Variants in TM7SF3 observed in about 807,000 individuals in gnomAD.
The protein encoded by TM7SF3 is seven span transmembrane protein.
In TM7SF3, 60 loss-of-function variants were observed where a neutral mutation model predicts 65.5. That is an observed-to-expected ratio of 0.92 (90% CI 0.74 to 1.14). The LOEUF (loss-of-function observed/expected upper bound fraction) is 1.14, where lower values mean the gene tolerates loss of function less well. Ranked by LOEUF, TM7SF3 falls within the 50% of genes most tolerant of loss-of-function variation. TM7SF3 has a pLI of 0.00. For synonymous variants in TM7SF3, 264 were observed against 259.6 expected (o/e 1.02, Z -0.16); for missense variants, 623 against 684.8 (o/e 0.91, Z 1.01).
intron 11 of TM7SF3, 146 bp downstream of exon 11, chr12:26,975,350 G>A (rs1427337389): frequency 4.6e-6 from 3 of 652,520 alleles, no homozygotes; most frequent in African/African-American, 3.7e-5. Flanking sequence ...TCATAACAGA[G>A]GGTTCTCACA....
chr12:26,989,460 C>T (rs1330501495), intron 6 of TM7SF3, among the ~76,000 whole-genome samples: 1 of 151,890 alleles, frequency 6.6e-6, no homozygotes, highest in Non-Finnish European at 1.5e-5. Context: ...AAGAGTTATA[C>T]ACAGGTTTTC....
intron 1 of TM7SF3, among the ~76,000 whole-genome samples, chr12:27,006,946 C>T (rs1339486258): frequency 6.6e-6 from 1 of 152,066 alleles, no homozygotes; most frequent in Non-Finnish European, 1.5e-5. Flanking sequence ...AAGACTATTC[C>T]AGAAAGCGTA....
chr12:26,973,921 C>A lies in TM7SF3; in HGVS notation c.*44G>T. The stretch of plus-strand genomic sequence containing the variant: ...CCAGAGACTGTTGAACCACTCCAGG[C>A]ATGAACTCCAAAGCTGAGGCACACT... On this transcript the variant is annotated 3_prime_UTR_variant, in exon 12 of 12. Coordinates refer to ENST00000343028, the MANE Select transcript of TM7SF3 (RefSeq NM_016551.3). 2 of 1,598,982 alleles carry A rather than the reference C, an allele frequency of 1.3e-6. No homozygotes were observed. Among genetic ancestry groups the A allele is most frequent in the South Asian group, 1.1e-5 (1 of 88,824 alleles).
At chr12:26,980,852 T>G (rs527343638) in intron 7 of TM7SF3, among the ~76,000 whole-genome samples, 3 of 152,206 alleles carry the variant, frequency 2.0e-5, no homozygotes, top group Admixed American at 1.3e-4. Flanking sequence ...ATTAAACAGA[T>G]ACAATATTAA....
intron 6 of TM7SF3, among the ~76,000 whole-genome samples, chr12:26,985,543 T>C (rs1940010264): frequency 6.9e-6 from 1 of 145,182 alleles, no homozygotes; most frequent in African/African-American, 2.6e-5. Flanking sequence ...GTGAATTACT[T>C]GAACCTGAGA....
At chr12:26,992,715 A>G (rs1490511603) in intron 5 of TM7SF3, among the ~76,000 whole-genome samples, 1 of 152,226 alleles carries the variant, frequency 6.6e-6, no homozygotes, top group Non-Finnish European at 1.5e-5. Context: ...TCAGCGTTGC[A>G]AGAGTATCAT....
chr12:26,984,823 C>T (rs1939972907), intron 6 of TM7SF3, among the ~76,000 whole-genome samples: 1 of 152,108 alleles, frequency 6.6e-6, no homozygotes, highest in Non-Finnish European at 1.5e-5. Flanking sequence ...GGCATTCACT[C>T]TGGGGGAATG....
intron 5 of TM7SF3, among the ~76,000 whole-genome samples, chr12:26,993,343 T>C (rs1315552209): frequency 6.6e-6 from 1 of 152,228 alleles, no homozygotes; most frequent in Admixed American, 6.5e-5. Context: ...CTGTAGAAGA[T>C]GTGAAGTCAG....
intron 1 of TM7SF3, among the ~76,000 whole-genome samples, chr12:27,013,725 G>A (rs947545088): frequency 1.1e-4 from 16 of 152,146 alleles, no homozygotes; most frequent in Admixed American, 3.3e-4. Context: ...AAGTCTTGCT[G>A]TCCAGAAGCT....
At chr12:26,981,605 T>C (rs1939819466) in intron 7 of TM7SF3, among the ~76,000 whole-genome samples, 1 of 152,176 alleles carries the variant, frequency 6.6e-6, no homozygotes, top group South Asian at 2.1e-4. Context: ...TGAGATATTA[T>C]ATATTCTTTA....
In TM7SF3 at chr12:26,999,613, C is replaced by T; in HGVS notation, c.310G>A (p.Glu104Lys). 2 of 1,614,122 alleles carry T rather than the reference C, an allele frequency of 1.2e-6. No individual in the cohort carries two copies. The highest frequency in any genetic ancestry group is 1.7e-6 in the Non-Finnish European group (2 of 1,179,994). Reference sequence around the variant, plus strand: ...AAGTACCAAGTGCATGTACTCTGCTCTGGTCTAAGGATGAAAACCAGTCCA... The same window carrying T: ...AAGTACCAAGTGCATGTACTCTGCTTTGGTCTAAGGATGAAAACCAGTCCA... Reference protein sequence around the residue: ...ASGLVFILRPEQSTCTWYLGT... With the variant: ...ASGLVFILRPKQSTCTWYLGT... The change falls in exon 3 of 12, where the codon GAG (glutamate) becomes AAG (lysine). Residue 104 changes from glutamate (E) to lysine (K), a missense_variant. By Grantham distance (56) the Glu-to-Lys change is moderately conservative. Coordinates refer to ENST00000343028, the MANE Select transcript of TM7SF3 (RefSeq NM_016551.3).
At chr12:26,996,039 T>C (rs913557980) in intron 4 of TM7SF3, among the ~76,000 whole-genome samples, 1 of 151,728 alleles carries the variant, frequency 6.6e-6, no homozygotes, top group African/African-American at 2.4e-5. Context: ...AAAAGCTGGG[T>C]GCAGTGGCTT....
intron 6 of TM7SF3, among the ~76,000 whole-genome samples, chr12:26,983,335 C>G (rs1189421854): frequency 1.3e-5 from 2 of 152,070 alleles, no homozygotes; most frequent in African/African-American, 4.8e-5. Context: ...CAACCTGATT[C>G]AAACAAACTG....
chr12:26,981,797 CTT>C (rs768091226), intron 7 of TM7SF3, among the ~76,000 whole-genome samples: 24 of 152,270 alleles, frequency 1.6e-4, no homozygotes, highest in Non-Finnish European at 3.1e-4. Flanking sequence ...GAAAACATCA[CTT>C]ATATAAAAAG....
intron 5 of TM7SF3, 55 bp downstream of exon 5, chr12:26,995,182 A>G: frequency 1.9e-6 from 3 of 1,554,838 alleles, no homozygotes; most frequent in Admixed American, 1.9e-5. Flanking sequence ...TCCCCTTCTC[A>G]ACTCTGACAA....
chr12:26,979,717 C>CA (rs1939725476), intron 9 of TM7SF3, 67 bp downstream of exon 9: 5 of 1,559,788 alleles, frequency 3.2e-6, no homozygotes, highest in African/African-American at 1.4e-5. Flanking sequence ...CTCCAGGATG[C>CA]AAATCCAATT....
In TM7SF3 at chr12:26,974,028, G is replaced by T. The variant is rs958433037; in HGVS notation, c.1650C>A (p.Thr550=). ...PLRERLYGRL[T]QIKGLFQKEQ... is the part of the protein sequence containing the mutation. ...CCTTCTGGAAGAGCCCTTTAATCTGGGTTAATCGGCCATAGAGCCTCTCTC... is the reference window on the plus strand; with the variant it reads ...CCTTCTGGAAGAGCCCTTTAATCTGTGTTAATCGGCCATAGAGCCTCTCTC... Residue 550 remains threonine (T), a synonymous_variant, in exon 12 of 12, where the codon ACC becomes ACA. Coordinates refer to ENST00000343028, the MANE Select transcript of TM7SF3 (RefSeq NM_016551.3). 6.2e-7 allele frequency: 1 copy of T among 1,614,040 alleles called. No individual in the cohort carries two copies. Among genetic ancestry groups the T allele is most frequent in the Non-Finnish European group, 8.5e-7 (1 of 1,180,040 alleles).
At chr12:26,982,393 T>A (rs1473195741) in intron 7 of TM7SF3, among the ~76,000 whole-genome samples, 2 of 152,092 alleles carry the variant, frequency 1.3e-5, no homozygotes, top group Admixed American at 1.3e-4. Context: ...CCTAGACTTG[T>A]TTCAAACTCC....
chr12:26,979,158 T>A (rs1161897343), intron 9 of TM7SF3: 1 of 152,258 alleles, frequency 6.6e-6, no homozygotes, highest in East Asian at 1.9e-4. Context: ...TTAAGAACAT[T>A]GTCACAGAAA....
Sources: allele counts gnomAD v4.1 joint callset (sites outside exome capture counted in the v4.1 genomes callset), GRCh38; gene constraint gnomAD v4.1.1; transcripts MANE v1.5; gene names NCBI Gene and HGNC (gene_info 2026-07-23, HGNC 2026-07-21).